Variants in LRRC9 observed in about 807,000 individuals in gnomAD.
LRRC9 encodes the protein leucine rich repeat containing 9, also known as leucine-rich repeat-containing protein 9.
Under a neutral mutation model 63.2 loss-of-function variants are expected in LRRC9, and 122 were observed. The observed-to-expected ratio is 1.93, with a 90% confidence interval of 1.67 to 2.24. The LOEUF is 2.24. Among genes scored for constraint, LRRC9 ranks in the 30% most tolerant of loss-of-function variants. The pLI, the probability that LRRC9 is intolerant of heterozygous loss-of-function variation, is 0.00. For missense variants in LRRC9, 1,071 were observed against 627.7 expected (o/e 1.71, Z -7.55); for synonymous variants, 366 against 213.1 (o/e 1.72, Z -6.25).
At chr14:60,020,396 C>T (rs1282299929) in intron 26 of LRRC9, among the ~76,000 whole-genome samples, 4 of 151,786 alleles carry the variant, frequency 2.6e-5, no homozygotes, top group African/African-American at 4.8e-5. Context: ...TAGGCTATTA[C>T]GATTAAAGCT....
chr14:59,928,077 G>T (rs1430914679), intron 2 of LRRC9, 86 bp downstream of exon 2: 1 of 618,426 alleles, frequency 1.6e-6, no homozygotes, highest in Non-Finnish European at 2.9e-6. Flanking sequence ...AGCTGGAAGG[G>T]TTACTTAGTC....
chr14:60,041,867 C>G (rs889702560), intron 29 of LRRC9, among the ~76,000 whole-genome samples: 10 of 152,126 alleles, frequency 6.6e-5, no homozygotes, highest in African/African-American at 2.4e-4. Flanking sequence ...TGTTTTTTCC[C>G]CATCTTTGTG....
rs981646793 is a variant in LRRC9 at position 60,003,644 on chromosome 14, A to G, written c.2688A>G (p.Gly896=). ...AGATAACTGCCTTAAATTTAGATGG[A>G]CAACATCTTTTTGAAATCACAAATT... is the stretch of plus-strand genomic sequence containing the variant. Residue 896 remains glycine (G), a synonymous_variant, in exon 21 of 32, where the codon GGA becomes GGG. Transcript: ENST00000445360. The surrounding 1 kb of genome is among the most constrained non-coding windows in gnomAD (Gnocchi z 4.2). The G allele has an allele frequency of 1.5e-6, 1 of 687,150 alleles. No homozygotes were observed. Among genetic ancestry groups the G allele is most frequent in the African/African-American group, 1.8e-5 (1 of 56,216 alleles). 42.6% of individuals were successfully genotyped at this position (687,150 alleles called of 1,614,324 possible). A position where few individuals can be genotyped will look rare whatever the true frequency, so the allele number is the denominator to read the frequency against.
At chr14:60,006,600 G>A (rs1428357163) in exon 22 of LRRC9, 6 of 677,798 alleles carry the variant, frequency 8.9e-6, no homozygotes, top group Admixed American at 2.2e-5. Context: ...TGTCAATCAG[G>A]AGATGCACAA....
At chr14:60,061,225 T>A (rs926831893) in intron 31 of LRRC9, among the ~76,000 whole-genome samples, 2 of 152,182 alleles carry the variant, frequency 1.3e-5, no homozygotes, top group Non-Finnish European at 2.9e-5. Flanking sequence ...CTATCAAACA[T>A]CATGTTGTAC....
At chr14:59,921,706 T>C (rs1303100260) in intron 1 of LRRC9, among the ~76,000 whole-genome samples, 1 of 149,128 alleles carries the variant, frequency 6.7e-6, no homozygotes, top group African/African-American at 2.5e-5. Flanking sequence ...CTTTTTCATG[T>C]GGGCAGTTGG....
chr14:60,002,721 A>T (rs1282356589), intron 20 of LRRC9, among the ~76,000 whole-genome samples: 1 of 152,202 alleles, frequency 6.6e-6, no homozygotes, highest in Non-Finnish European at 1.5e-5. Flanking sequence ...CTGGGCCTTG[A>T]CTGCGTTCGC....
At chr14:60,002,749 A>C (rs1433722643) in intron 20 of LRRC9, among the ~76,000 whole-genome samples, 1 of 152,182 alleles carries the variant, frequency 6.6e-6, no homozygotes, top group Non-Finnish European at 1.5e-5. Context: ...TTGGAAATTT[A>C]AGATAAAGGT....
At chr14:59,995,616 T>A (rs563661626) in intron 17 of LRRC9, among the ~76,000 whole-genome samples, 1 of 152,264 alleles carries the variant, frequency 6.6e-6, no homozygotes, top group African/African-American at 2.4e-5. Flanking sequence ...ATTGCAAAAC[T>A]GAAATACTGT....
At chr14:59,952,220 C>A (rs1485101408) in intron 8 of LRRC9, among the ~76,000 whole-genome samples, 2 of 151,942 alleles carry the variant, frequency 1.3e-5, no homozygotes, top group African/African-American at 2.4e-5. Flanking sequence ...TTTTTTAAGC[C>A]GGTCTGAAAA....
intron 27 of LRRC9, among the ~76,000 whole-genome samples, chr14:60,025,287 A>T (rs1448673101): frequency 2.4e-4 from 36 of 149,306 alleles, no homozygotes; most frequent in Non-Finnish European, 4.5e-5. Flanking sequence ...TTTTTTTTTG[A>T]TAAGGGGTCT....
rs1887997794 is a variant in LRRC9 at position 59,990,736 on chromosome 14, TGA to T, written c.2211+5513_2211+5514del. Among the ~76,000 whole-genome samples the T allele has an allele frequency of 6.6e-6, 1 of 152,206 alleles. No homozygotes were observed. The highest frequency in any genetic ancestry group is 1.5e-5 in the Non-Finnish European group (1 of 68,032). ...TCAGACCTTTTTACTGTGGATCCCA[TGA>T]ACTCATCTGGTATTGAAGAGAACAA... On this transcript the variant is annotated intron_variant, in intron 17 of 31. Transcript: ENST00000445360. This position sits in a 1 kb window ranked among gnomAD's most constrained non-coding sequence, Gnocchi z 4.2.
Position 59,960,850 on chromosome 14 carries a change from A to G in LRRC9, c.1080-64A>G, listed in dbSNP as rs1884277763. The stretch of plus-strand genomic sequence containing the variant: ...TAACATCAGTTAAAAAAAATCTATC[A>G]TAAGTTTTAATGTTGCGATTTTTAG... On this transcript the variant is annotated intron_variant, in intron 9 of 31. Coordinates refer to ENST00000445360, the Ensembl canonical transcript of LRRC9. 1.2e-5 allele frequency: 6 copies of G among 496,152 alleles called. No individual in the cohort carries two copies. The East Asian group carries it at 1.6e-4, about 13-fold the overall frequency. 30.7% of individuals were successfully genotyped at this position (496,152 alleles called of 1,614,324 possible). A position where few individuals can be genotyped will look rare whatever the true frequency, so the allele number is the denominator to read the frequency against.
intron 23 of LRRC9, among the ~76,000 whole-genome samples, chr14:60,012,818 C>T (rs540311198): frequency 6.6e-6 from 1 of 152,280 alleles, no homozygotes; most frequent in Admixed American, 6.5e-5. Context: ...AAACATTTGT[C>T]AGCCCCTGAT....
intron 29 of LRRC9, among the ~76,000 whole-genome samples, chr14:60,037,223 CAT>C (rs1374661160): frequency 5.9e-5 from 9 of 152,182 alleles, no homozygotes; most frequent in Non-Finnish European, 1.0e-4. Flanking sequence ...CCACAATAAA[CAT>C]ATGTGTGCAT....
chr14:59,920,619 G>T (rs957480192), intron 1 of LRRC9, among the ~76,000 whole-genome samples: 3 of 152,040 alleles, frequency 2.0e-5, no homozygotes, highest in Non-Finnish European at 4.4e-5. Flanking sequence ...GGTTTATTTG[G>T]ACCATCAGTG....
At chr14:60,021,113 G>A in intron 26 of LRRC9, among the ~76,000 whole-genome samples, 1 of 151,876 alleles carries the variant, frequency 6.6e-6, no homozygotes, top group East Asian at 1.9e-4. Flanking sequence ...ATCACCAGTA[G>A]CATGTGAAGA....
In LRRC9 at chr14:59,960,794, T is replaced by G. The variant is rs919307441; in HGVS notation, c.1080-120T>G. On this transcript the variant is annotated intron_variant, in intron 9 of 31. Coordinates refer to ENST00000445360, the Ensembl canonical transcript of LRRC9. ...TGGTTTAACTGTTAACACCAAGCTT[T>G]CTTTATCCATTGAAAGGAAGCCTTG... 5.4e-5 allele frequency: 26 copies of G among 483,548 alleles called. 2 individuals are homozygous for G. Among genetic ancestry groups the G allele is most frequent in the Admixed American group, 5.0e-4 (13 of 25,948 alleles). The allele number at this position is 483,548 out of a possible 1,614,324, so 30.0% of individuals were successfully genotyped here. A position where few individuals can be genotyped will look rare whatever the true frequency, so the allele number is the denominator to read the frequency against.
chr14:59,934,321 A>T (rs952619144), intron 6 of LRRC9, among the ~76,000 whole-genome samples: 1 of 152,156 alleles, frequency 6.6e-6, no homozygotes, highest in Non-Finnish European at 1.5e-5. Flanking sequence ...CAGAAAAAAA[A>T]TAGCTAGTTT....
Sources: gnomAD v4.1 joint callset for allele counts (sites outside exome capture counted in the v4.1 genomes callset) on GRCh38, gnomAD v4.1.1 for gene constraint, Gnocchi (gnomAD v3.1) non-coding constraint, MANE v1.5 for transcripts, NCBI Gene and HGNC (gene_info 2026-07-23, HGNC 2026-07-21) for gene names.